The following HPSE2 variants were observed in gnomAD, a reference collection of about 807,000 sequenced individuals.
HPSE2 encodes the protein heparanase 2 (inactive).
A neutral mutation model predicts 60.5 loss-of-function variants in HPSE2; 38 were observed. The ratio of observed to expected loss-of-function variants is 0.63; its 90% CI spans 0.48 to 0.82. The LOEUF is 0.82. Among genes scored for constraint, HPSE2 ranks in the 40% least tolerant of loss-of-function variants. HPSE2 has a pLI of 0.00. For missense variants in HPSE2, 713 were observed against 740.4 expected, an observed-to-expected ratio of 0.96 and a Z score of 0.43; for synonymous variants, 295 against 293.2, an observed-to-expected ratio of 1.01 and a Z score of -0.06.
intron 3 of HPSE2, among the ~76,000 whole-genome samples, chr10:98,766,834 A>T (rs146330830): frequency 0.015 from 2,284 of 152,196 alleles, 31 homozygotes; most frequent in African/African-American, 0.03. Flanking sequence ...CTGAGATGGG[A>T]GGATCACCTG....
intron 9 of HPSE2, among the ~76,000 whole-genome samples, chr10:98,569,676 T>C (rs1483958403): frequency 6.6e-6 from 1 of 152,144 alleles, no homozygotes; most frequent in African/African-American, 2.4e-5. Context: ...CTAATCACTT[T>C]TCAAATCTGT....
intron 6 of HPSE2, among the ~76,000 whole-genome samples, chr10:98,672,381 T>C (rs1223352185): frequency 6.6e-6 from 1 of 152,244 alleles, no homozygotes; most frequent in Non-Finnish European, 1.5e-5. Flanking sequence ...AATTACATCT[T>C]ACACAAGCTC....
chr10:98,867,935 G>A (rs929604031), intron 3 of HPSE2, among the ~76,000 whole-genome samples: 11 of 152,026 alleles, frequency 7.2e-5, no homozygotes, highest in African/African-American at 2.4e-4. Context: ...GGTGGCAGAT[G>A]CCTGTAATCC....
Position 98,726,896 on chromosome 10 carries a change from T to C in HPSE2, c.785-5068A>G, listed in dbSNP as rs572013400. Among the ~76,000 whole-genome samples the C allele has an allele frequency of 1.5e-3, 222 of 152,124 alleles. 2 individuals carry two copies. Among genetic ancestry groups the C allele is most frequent in the African/African-American group, 5.0e-3 (208 of 41,514 alleles). ...GCCATGACTGAGAGTAAAATCCCAG[T>C]TAGACTTGTAAAAGACCTAAATTTT... On this transcript the variant is annotated intron_variant, in intron 4 of 11. Coordinates refer to ENST00000370552, the MANE Select transcript of HPSE2 (RefSeq NM_021828.5).
chr10:99,078,931 G>T (rs1228439095), intron 3 of HPSE2, among the ~76,000 whole-genome samples: 3 of 152,102 alleles, frequency 2.0e-5, no homozygotes, highest in Non-Finnish European at 2.9e-5. Context: ...TCAAGATTAT[G>T]CTGGGTCCAG....
chr10:98,509,979 A>G (rs1942335708), intron 9 of HPSE2, among the ~76,000 whole-genome samples: 1 of 152,052 alleles, frequency 6.6e-6, no homozygotes, highest in Non-Finnish European at 1.5e-5. Flanking sequence ...ACGCACACAC[A>G]CACACTTTGT....
intron 2 of HPSE2, among the ~76,000 whole-genome samples, chr10:99,182,575 C>A (rs1378154647): frequency 1.3e-5 from 2 of 152,114 alleles, no homozygotes; most frequent in African/African-American, 4.8e-5. Flanking sequence ...ATTATAAGCA[C>A]CCTGAAAGGC....
At chr10:98,777,408 C>T (rs1175549076) in intron 3 of HPSE2, among the ~76,000 whole-genome samples, 2 of 152,134 alleles carry the variant, frequency 1.3e-5, no homozygotes, top group Non-Finnish European at 2.9e-5. Flanking sequence ...CTCATTGAAT[C>T]TTCATAATAA....
the HPSE2 span, among the ~76,000 whole-genome samples, chr10:99,311,656 A>G: frequency 1.3e-5 from 2 of 152,136 alleles, no homozygotes; most frequent in African/African-American, 4.8e-5. Context: ...TAGTCCTATT[A>G]ATAACCATAT....
At chr10:99,266,739 A>G in the HPSE2 span, among the ~76,000 whole-genome samples, 1 of 152,206 alleles carries the variant, frequency 6.6e-6, no homozygotes, top group Admixed American at 6.5e-5. Flanking sequence ...ACCCTGACAG[A>G]GTCCATTTTA....
intron 3 of HPSE2, among the ~76,000 whole-genome samples, chr10:98,860,817 T>C (rs1247650171): frequency 6.6e-6 from 1 of 152,220 alleles, no homozygotes; most frequent in Non-Finnish European, 1.5e-5. Context: ...TTCAAAATAA[T>C]TGTATTTATG....
chr10:98,898,685 C>A (rs895042536), intron 3 of HPSE2, among the ~76,000 whole-genome samples: 1 of 151,994 alleles, frequency 6.6e-6, no homozygotes, highest in Non-Finnish European at 1.5e-5. Context: ...AATAAAACAG[C>A]ACACAAAAGT....
intron 3 of HPSE2, among the ~76,000 whole-genome samples, chr10:99,117,563 A>C (rs769208148): frequency 6.6e-5 from 10 of 151,974 alleles, no homozygotes; most frequent in Non-Finnish European, 5.9e-5. Flanking sequence ...AAATATAAAT[A>C]ATCATAAGCA....
chr10:99,080,377 C>T (rs1318516346), intron 3 of HPSE2, among the ~76,000 whole-genome samples: 1 of 152,028 alleles, frequency 6.6e-6, no homozygotes, highest in East Asian at 1.9e-4. Flanking sequence ...AAGGCTATGG[C>T]ATGTGGGGGA....
intron 6 of HPSE2, among the ~76,000 whole-genome samples, chr10:98,643,440 C>A (rs1445261367): frequency 1.3e-5 from 2 of 152,116 alleles, no homozygotes; most frequent in African/African-American, 4.8e-5. Flanking sequence ...AACACTATAA[C>A]AGTGGAATTT....
chr10:99,301,268 A>G, the HPSE2 span, among the ~76,000 whole-genome samples: 2 of 152,346 alleles, frequency 1.3e-5, no homozygotes, highest in South Asian at 4.1e-4. Context: ...AGGGAACTAC[A>G]GTAAACTAAT....
intron 4 of HPSE2, among the ~76,000 whole-genome samples, chr10:98,725,983 C>G (rs1949067060): frequency 6.6e-6 from 1 of 152,114 alleles, no homozygotes; most frequent in African/African-American, 2.4e-5. Flanking sequence ...AATCAGGAAA[C>G]AACAGGTGCT....
chr10:99,232,751 G>A (rs1037567642), intron 1 of HPSE2, among the ~76,000 whole-genome samples: 1 of 152,198 alleles, frequency 6.6e-6, no homozygotes, highest in Non-Finnish European at 1.5e-5. Context: ...CCCTCCCGCA[G>A]ACACCCAGAT....
chr10:99,142,726 T>G (rs570762687), intron 3 of HPSE2, among the ~76,000 whole-genome samples: 8 of 152,162 alleles, frequency 5.3e-5, no homozygotes, highest in Non-Finnish European at 1.2e-4. Flanking sequence ...TACTGAGAAT[T>G]AGAAAAGATT....
Sources: allele counts gnomAD v4.1 joint callset (sites outside exome capture counted in the v4.1 genomes callset), GRCh38; gene constraint gnomAD v4.1.1; transcripts MANE v1.5; gene names NCBI Gene and HGNC (gene_info 2026-07-23, HGNC 2026-07-21).